RASEF: variants seen among roughly 807,000 people sequenced by gnomAD.
RASEF encodes the protein ras and EF-hand domain-containing protein.
RASEF carries 68 observed loss-of-function variants against 90.1 expected under a neutral mutation model. The ratio of observed to expected loss-of-function variants is 0.75; its 90% CI spans 0.62 to 0.92. RASEF has a LOEUF of 0.92. Ranked by LOEUF, RASEF falls within the 40% of genes least tolerant of loss-of-function variation. The pLI is 0.00. For missense variants in RASEF, 949 were observed against 937.2 expected, an observed-to-expected ratio of 1.01 and a Z score of -0.16; for synonymous variants, 331 against 345.2, an observed-to-expected ratio of 0.96 and a Z score of 0.46.
the RASEF span, among the ~76,000 whole-genome samples, chr9:83,198,049 C>CA: frequency 6.6e-6 from 1 of 152,176 alleles, no homozygotes; most frequent in Admixed American, 6.5e-5. Context: ...AAAATCTCAT[C>CA]ACTCTGGTCT....
chr9:83,015,760 G>C (rs547241594), intron 4 of RASEF, 45 bp downstream of exon 4: 12 of 1,363,522 alleles, frequency 8.8e-6, no homozygotes, highest in Non-Finnish European at 1.3e-5. Flanking sequence ...TAGATACCCT[G>C]AGATGCTGAG....
At chr9:83,189,863 A>G in the RASEF span, among the ~76,000 whole-genome samples, 2 of 152,220 alleles carry the variant, frequency 1.3e-5, no homozygotes, top group African/African-American at 2.4e-5. Context: ...ATAAGAGGCA[A>G]TTCAAATATT....
intron 1 of RASEF, chr9:83,055,527 T>C: frequency 1.4e-6 from 1 of 709,536 alleles, no homozygotes; most frequent in East Asian, 2.7e-5. Flanking sequence ...CGCTGGGAGC[T>C]GTAGACCGGA....
At chr9:83,128,270 C>A in the RASEF span, among the ~76,000 whole-genome samples, 12 of 151,976 alleles carry the variant, frequency 7.9e-5, no homozygotes, top group African/African-American at 2.7e-4. Context: ...TGGGGCAGAT[C>A]CCTGGTGAAA....
the RASEF span, among the ~76,000 whole-genome samples, chr9:83,192,714 T>C: frequency 3.6e-3 from 245 of 68,510 alleles, 1 homozygote; most frequent in Non-Finnish European, 5.3e-3. Context: ...AAAATAATAG[T>C]AAAAAAAAAA....
At chr9:83,138,082 C>G in the RASEF span, among the ~76,000 whole-genome samples, 1 of 151,776 alleles carries the variant, frequency 6.6e-6, no homozygotes, top group Non-Finnish European at 1.5e-5. Flanking sequence ...TTGTCCAAGT[C>G]TACAGAATTG....
the RASEF span, among the ~76,000 whole-genome samples, chr9:83,146,056 G>A: frequency 6.6e-6 from 1 of 151,284 alleles, no homozygotes; most frequent in Non-Finnish European, 1.5e-5. Context: ...AACAAATGAA[G>A]TGCTAAAGAA....
the RASEF span, among the ~76,000 whole-genome samples, chr9:83,099,560 T>C: frequency 1.3e-5 from 2 of 152,214 alleles, no homozygotes; most frequent in African/African-American, 4.8e-5. Context: ...ATTTGAGGCA[T>C]AGTTCCAAAA....
the RASEF span, among the ~76,000 whole-genome samples, chr9:83,192,797 A>G: frequency 6.6e-6 from 1 of 152,116 alleles, no homozygotes; most frequent in Non-Finnish European, 1.5e-5. Flanking sequence ...AAGATTGCTC[A>G]CTACATCACA....
intron 1 of RASEF, among the ~76,000 whole-genome samples, chr9:83,061,858 T>C (rs1195546423): frequency 6.6e-6 from 1 of 152,218 alleles, no homozygotes; most frequent in Non-Finnish European, 1.5e-5. Flanking sequence ...AGGTCTAAGT[T>C]CAGAAATAAG....
the RASEF span, among the ~76,000 whole-genome samples, chr9:83,113,694 G>A: frequency 6.6e-6 from 1 of 152,120 alleles, no homozygotes; most frequent in African/African-American, 2.4e-5. Flanking sequence ...AATACACCCT[G>A]GTCTCCTGCA....
the RASEF span, among the ~76,000 whole-genome samples, chr9:83,144,391 G>GGAAGGAAAGAAAGAAAGAAAGAAAGAAA: frequency 8.6e-3 from 286 of 33,228 alleles, 20 homozygotes; most frequent in Middle Eastern, 0.04. Context: ...AAGAAAGAAA[G>GGAAGGAAAGAAAGAAAGAAAGAAAGAAA]GAAAGAAAGA....
intron 1 of RASEF, among the ~76,000 whole-genome samples, chr9:83,034,601 A>G (rs1439217892): frequency 2.0e-5 from 3 of 152,238 alleles, no homozygotes; most frequent in African/African-American, 7.2e-5. Context: ...AATCACTGAT[A>G]TTTAGTTACT....
the RASEF span, among the ~76,000 whole-genome samples, chr9:83,213,171 AG>A: frequency 9.2e-5 from 14 of 151,858 alleles, no homozygotes; most frequent in African/African-American, 3.4e-4. Context: ...AGGCCAAGGC[AG>A]GTAGATCACT....
chr9:83,189,823 T>C, the RASEF span, among the ~76,000 whole-genome samples: 1 of 152,214 alleles, frequency 6.6e-6, no homozygotes, highest in South Asian at 2.1e-4. Context: ...TTGTTTCTCA[T>C]TTAAACAAAC....
the RASEF span, among the ~76,000 whole-genome samples, chr9:83,087,308 T>C: frequency 6.6e-6 from 1 of 152,092 alleles, no homozygotes; most frequent in Non-Finnish European, 1.5e-5. Flanking sequence ...GGCACTTGGA[T>C]TTAGTGAGGT....
At chr9:83,195,979 G>A in the RASEF span, among the ~76,000 whole-genome samples, 1 of 152,056 alleles carries the variant, frequency 6.6e-6, no homozygotes, top group Non-Finnish European at 1.5e-5. Flanking sequence ...GATAATCTAG[G>A]CCAGAGAGAA....
the RASEF span, among the ~76,000 whole-genome samples, chr9:83,100,079 T>A: frequency 3.3e-5 from 5 of 152,352 alleles, no homozygotes; most frequent in South Asian, 1.0e-3. Context: ...AAGCTACTGT[T>A]GCTGTGTGTT....
rs200332303 is a variant in RASEF at position 83,000,581 on chromosome 9, T to A, written c.1438-11A>T. 631 of 1,579,380 alleles carry A rather than the reference T, an allele frequency of 4.0e-4. No homozygotes were observed. The highest frequency in any genetic ancestry group is 5.0e-4 in the Non-Finnish European group (585 of 1,165,676). On this transcript the variant is annotated splice_polypyrimidine_tract_variant and intron_variant, in intron 10 of 16. Coordinates refer to ENST00000376447, the MANE Select transcript of RASEF (RefSeq NM_152573.4). ...CCTTATGTCAGGAACCTATTTTTTTTAAAATGTCAGCAGTTAAATTAAAAA... is the reference window on the plus strand; with the variant it reads ...CCTTATGTCAGGAACCTATTTTTTTAAAAATGTCAGCAGTTAAATTAAAAA...
Sources: allele counts gnomAD v4.1 joint callset (sites outside exome capture counted in the v4.1 genomes callset), GRCh38; gene constraint gnomAD v4.1.1; transcripts MANE v1.5; gene names NCBI Gene and HGNC (gene_info 2026-07-23, HGNC 2026-07-21).